Variants in PKD1L1 observed in about 807,000 individuals in gnomAD.
PKD1L1 encodes polycystin 1 like 1, transient receptor potential channel interacting, also known as polycystin-1-like protein 1.
PKD1L1 carries 236 observed loss-of-function variants against 323.4 expected under a neutral mutation model. The ratio of observed to expected loss-of-function variants is 0.73; its 90% confidence interval spans 0.66 to 0.81. The LOEUF (loss-of-function observed/expected upper bound fraction) is 0.81, where lower values mean the gene tolerates loss of function less well. Ranked by LOEUF, PKD1L1 falls within the 40% of genes least tolerant of loss-of-function variation. The pLI, the probability that PKD1L1 is intolerant of heterozygous loss-of-function variation, is 0.00. For missense variants in PKD1L1, 3,320 were observed against 3,508.0 expected, an observed-to-expected ratio of 0.95 and a Z score of 1.35; for synonymous variants, 1,344 against 1,335.0, an observed-to-expected ratio of 1.01 and a Z score of -0.15.
chr7:47,858,115 C>G (rs1265792686), intron 27 of PKD1L1, among the ~76,000 whole-genome samples: 1 of 152,148 alleles, frequency 6.6e-6, no homozygotes, highest in Non-Finnish European at 1.5e-5. Context: ...AATAAGCCAG[C>G]AGGACTGGAG....
chr7:47,923,004 T>A (rs1057133798), intron 7 of PKD1L1, among the ~76,000 whole-genome samples: 3 of 152,218 alleles, frequency 2.0e-5, no homozygotes, highest in Admixed American at 1.3e-4. Context: ...TTCTTCTGCC[T>A]TGGGATGCTG....
chr7:47,834,495 C>T (rs1246716608), intron 39 of PKD1L1, 110 bp from the exon 40 acceptor site: 4 of 866,092 alleles, frequency 4.6e-6, no homozygotes, highest in Non-Finnish European at 7.4e-6. Flanking sequence ...AAATACTCTT[C>T]CTTCCTGACT....
At position 47,792,920 on chromosome 7, in the gene PKD1L1, C is replaced by T. The variant is rs940212099; in HGVS notation, c.8356-123G>A. The T allele has an allele frequency of 4.6e-6, 4 of 861,694 alleles. No individual in the cohort carries two copies. The Admixed American group carries it at 8.4e-5, about 18-fold the overall frequency. 53.4% of individuals were successfully genotyped at this position (861,694 alleles called of 1,614,324 possible). A position where few individuals can be genotyped will look rare whatever the true frequency, so the allele number is the denominator to read the frequency against. ...GTATTGGGCTATGTTAGGAAACATA[C>T]TGACTCTGCCTGCAGTTAGAAGACC... On this transcript the variant is annotated intron_variant, in intron 55 of 56. Transcript: ENST00000289672.
At chr7:47,925,159 A>G (rs1039116835) in intron 7 of PKD1L1, among the ~76,000 whole-genome samples, 6 of 152,198 alleles carry the variant, frequency 3.9e-5, no homozygotes, top group Admixed American at 1.3e-4. Context: ...TATCCCTTTT[A>G]TAATACAATA....
chr7:47,880,282 A>ATTTT (rs1309864473), intron 21 of PKD1L1, among the ~76,000 whole-genome samples: 7 of 69,740 alleles, frequency 1.0e-4, no homozygotes, highest in African/African-American at 2.4e-4. Flanking sequence ...ATATATATAT[A>ATTTT]TATTTTTTTT....
chr7:47,865,389 G>C, intron 25 of PKD1L1, 117 bp from the exon 26 acceptor site: 3 of 877,424 alleles, frequency 3.4e-6, no homozygotes, highest in Non-Finnish European at 5.3e-6. Context: ...CCTGCTTTTT[G>C]GCCAAAAGAC....
intron 55 of PKD1L1, among the ~76,000 whole-genome samples, chr7:47,794,110 T>C (rs1787017605): frequency 6.6e-6 from 1 of 152,162 alleles, no homozygotes; most frequent in Non-Finnish European, 1.5e-5. Context: ...AGCCTGACAA[T>C]GCAGTGGAAA....
At chr7:47,796,716 A>G (rs553644959) in intron 54 of PKD1L1, among the ~76,000 whole-genome samples, 121 of 152,222 alleles carry the variant, frequency 7.9e-4, no homozygotes, top group Non-Finnish European at 1.1e-3. Context: ...GGCTGGGCGC[A>G]GTGGCTCATG....
At chr7:47,786,062 C>T (rs562000972) in intron 56 of PKD1L1, among the ~76,000 whole-genome samples, 1 of 152,064 alleles carries the variant, frequency 6.6e-6, no homozygotes, top group Non-Finnish European at 1.5e-5. Flanking sequence ...TTTAAAAAGC[C>T]CCTTCTAGCC....
rs1447935422 is a variant in PKD1L1, at chr7:47,880,725, T to C, written c.3520+3A>G. The C allele has an allele frequency of 3.1e-6, 5 of 1,601,248 alleles. No individual in the cohort carries two copies. The South Asian group carries it at 3.3e-5, about 11-fold the overall frequency. On this transcript the variant is annotated splice_donor_region_variant and intron_variant, in intron 21 of 56. Transcript: ENST00000289672. ...GATAAATGCAACTGACAATGTAACA[T>C]ACCCACAGACACTTGCAGGACGTAC...
intron 26 of PKD1L1, among the ~76,000 whole-genome samples, chr7:47,862,594 AG>A (rs373317286): frequency 5.9e-5 from 9 of 152,350 alleles, no homozygotes; most frequent in African/African-American, 2.2e-4. Context: ...AAAATATTGA[AG>A]GGGATAGCCC....
intron 56 of PKD1L1, among the ~76,000 whole-genome samples, chr7:47,787,930 C>T (rs570273772): frequency 1.2e-4 from 18 of 152,116 alleles, no homozygotes; most frequent in Non-Finnish European, 2.1e-4. Context: ...AGACTGGTCG[C>T]GAACTCCTGG....
At position 47,906,897 on chromosome 7, in the gene PKD1L1, T is replaced by TA. The variant is rs58556871; in HGVS notation, c.1403-936dup. Among the ~76,000 whole-genome samples the TA allele has an allele frequency of 2.2e-3, 335 of 149,528 alleles. 4 individuals are homozygous for TA. Among genetic ancestry groups the TA allele is most frequent in the African/African-American group, 5.3e-3 (217 of 40,990 alleles). On this transcript the variant is annotated intron_variant, in intron 9 of 56. Transcript: ENST00000289672. Reference sequence around the variant, plus strand: ...AGCACAATCTGATAATCAAAAGTGTTAAAAAAAAAAGATATAGTTTACAGA... The same window carrying TA: ...AGCACAATCTGATAATCAAAAGTGTTAAAAAAAAAAAGATATAGTTTACAGA...
chr7:47,894,788 G>C (rs73333672), intron 14 of PKD1L1, among the ~76,000 whole-genome samples: 11,541 of 151,740 alleles, frequency 0.076, 662 homozygotes, highest in African/African-American at 0.16. Flanking sequence ...TAGCCCAGAG[G>C]GGGAGGTTGC....
At chr7:47,918,951 C>T (rs917282205) in intron 7 of PKD1L1, among the ~76,000 whole-genome samples, 1 of 152,094 alleles carries the variant, frequency 6.6e-6, no homozygotes, top group African/African-American at 2.4e-5. Flanking sequence ...AAGGTCACAC[C>T]TCAAGGAACT....
intron 32 of PKD1L1, among the ~76,000 whole-genome samples, 195 bp downstream of exon 32, chr7:47,846,684 T>C (rs1160069482): frequency 3.3e-5 from 5 of 152,106 alleles, no homozygotes; most frequent in Admixed American, 2.0e-4. Flanking sequence ...TGGGAGCCCA[T>C]AGAGTGGGAG....
chr7:47,833,307 G>A (rs1368863049), intron 40 of PKD1L1, 55 bp from the exon 41 acceptor site: 20 of 1,565,082 alleles, frequency 1.3e-5, no homozygotes, highest in Admixed American at 1.7e-5. Flanking sequence ...GGCTTCACAC[G>A]TGACGCTCAA....
intron 45 of PKD1L1, 83 bp from the exon 46 acceptor site, chr7:47,821,269 AT>A: frequency 1.4e-6 from 1 of 706,206 alleles, no homozygotes; most frequent in South Asian, 2.2e-5. Flanking sequence ...AAGATTTATT[AT>A]TATTATTATT....
chr7:47,944,681 G>C (rs1788060995), intron 1 of PKD1L1, among the ~76,000 whole-genome samples: 1 of 152,228 alleles, frequency 6.6e-6, no homozygotes, highest in Non-Finnish European at 1.5e-5. Context: ...TGGCACAGCT[G>C]GTGACTTTCC....
Sources: allele counts gnomAD v4.1 joint callset (sites outside exome capture counted in the v4.1 genomes callset), GRCh38; gene constraint gnomAD v4.1.1; transcripts MANE v1.5; gene names NCBI Gene and HGNC (gene_info 2026-07-23, HGNC 2026-07-21).